EXOC4: variants seen among roughly 807,000 people sequenced by gnomAD.
The protein encoded by EXOC4 is SEC8-like 1.
A neutral mutation model predicts 107.2 loss-of-function variants in EXOC4; 71 were observed. The ratio of observed to expected loss-of-function variants is 0.66; its 90% CI spans 0.55 to 0.81. The LOEUF (loss-of-function observed/expected upper bound fraction) is 0.81, where lower values mean the gene tolerates loss of function less well. Among genes scored for constraint, EXOC4 ranks in the 30% least tolerant of loss-of-function variants. EXOC4 has a pLI of 0.00. For missense variants in EXOC4, 1,108 were observed against 1,189.6 expected (o/e 0.93, Z 1.01); for synonymous variants, 456 against 441.2 (o/e 1.03, Z -0.42).
the EXOC4 span, among the ~76,000 whole-genome samples, chr7:134,090,762 G>A: frequency 1.1e-4 from 17 of 152,012 alleles, no homozygotes; most frequent in East Asian, 1.9e-4. Context: ...CCATGATCCC[G>A]TACATGCCTG....
chr7:133,748,123 G>C (rs1401258155), intron 10 of EXOC4, among the ~76,000 whole-genome samples: 2 of 152,150 alleles, frequency 1.3e-5, no homozygotes, highest in Non-Finnish European at 2.9e-5. Context: ...AGCTGCTGGT[G>C]TATTATGACC....
intron 10 of EXOC4, among the ~76,000 whole-genome samples, chr7:133,632,555 C>G (rs574787071): frequency 6.6e-6 from 1 of 152,142 alleles, no homozygotes. Flanking sequence ...TGAGTTTTCA[C>G]ACTTCAGCAT....
intron 7 of EXOC4, among the ~76,000 whole-genome samples, chr7:133,451,345 A>G (rs1167580172): frequency 6.6e-6 from 1 of 151,588 alleles, no homozygotes; most frequent in East Asian, 1.9e-4. Context: ...CCTCATTTCT[A>G]CTTGTAGGTT....
intron 10 of EXOC4, among the ~76,000 whole-genome samples, chr7:133,698,952 T>C: frequency 3.4e-5 from 1 of 29,672 alleles, no homozygotes; most frequent in African/African-American, 1.1e-4. Flanking sequence ...TAGCATTATA[T>C]TGTATTTCTT....
chr7:133,942,941 T>G (rs546258701), intron 14 of EXOC4, among the ~76,000 whole-genome samples: 4 of 152,338 alleles, frequency 2.6e-5, no homozygotes, highest in African/African-American at 7.2e-5. Flanking sequence ...TTTTCTAAGT[T>G]AGAAACTCCA....
At chr7:134,035,375 T>C (rs1383317965) in intron 17 of EXOC4, among the ~76,000 whole-genome samples, 3 of 152,094 alleles carry the variant, frequency 2.0e-5, no homozygotes, top group Non-Finnish European at 4.4e-5. Flanking sequence ...TCATTAATAG[T>C]GTCATCGTAA....
chr7:134,062,461 G>C (rs2116633753), intron 17 of EXOC4, among the ~76,000 whole-genome samples: 1 of 152,000 alleles, frequency 6.6e-6, no homozygotes, highest in East Asian at 1.9e-4. Flanking sequence ...TTTTCAAAAT[G>C]TTCCTGATGA....
At chr7:133,282,201 G>A (rs1041572386) in intron 2 of EXOC4, among the ~76,000 whole-genome samples, 21 of 152,228 alleles carry the variant, frequency 1.4e-4, no homozygotes, top group African/African-American at 4.8e-4. Flanking sequence ...CTTCTCTGCC[G>A]TCTGTATCAT....
At chr7:133,553,580 A>G (rs1470487538) in intron 9 of EXOC4, among the ~76,000 whole-genome samples, 1 of 152,088 alleles carries the variant, frequency 6.6e-6, no homozygotes, top group African/African-American at 2.4e-5. Context: ...TTCTAACCTC[A>G]TAATGTTTCT....
At chr7:133,256,008 GTC>G (rs1283261162) in intron 1 of EXOC4, among the ~76,000 whole-genome samples, 1 of 150,164 alleles carries the variant, frequency 6.7e-6, no homozygotes, top group Non-Finnish European at 1.5e-5. Context: ...TAGTCCTGGA[GTC>G]TCTCTCTGTC....
chr7:133,785,770 T>A (rs1382537504), intron 10 of EXOC4, among the ~76,000 whole-genome samples: 1 of 152,136 alleles, frequency 6.6e-6, no homozygotes, highest in African/African-American at 2.4e-5. Flanking sequence ...TCTCCCGGGT[T>A]CATGCCATTC....
intron 1 of EXOC4, among the ~76,000 whole-genome samples, chr7:133,267,763 T>C (rs1263990541): frequency 6.6e-6 from 1 of 152,234 alleles, no homozygotes; most frequent in Non-Finnish European, 1.5e-5. Flanking sequence ...TGTTCTTTTC[T>C]ACAGATTTTT....
intron 10 of EXOC4, among the ~76,000 whole-genome samples, chr7:133,653,413 A>G (rs1014099024): frequency 7.9e-5 from 12 of 152,374 alleles, no homozygotes; most frequent in African/African-American, 1.2e-4. Context: ...AAAACTGTGT[A>G]TCAAGAGTAA....
intron 9 of EXOC4, among the ~76,000 whole-genome samples, chr7:133,572,291 C>T (rs1801039836): frequency 6.6e-6 from 1 of 152,146 alleles, no homozygotes; most frequent in African/African-American, 2.4e-5. Flanking sequence ...AGATTCTTGT[C>T]TGAAATGCTT....
chr7:133,800,239 T>C (rs1215951409), intron 10 of EXOC4, among the ~76,000 whole-genome samples: 1 of 152,234 alleles, frequency 6.6e-6, no homozygotes, highest in East Asian at 1.9e-4. Flanking sequence ...GTCATTCCTT[T>C]GGATTCTCTT....
At chr7:133,434,906 T>A (rs1413049722) in intron 7 of EXOC4, among the ~76,000 whole-genome samples, 1 of 152,208 alleles carries the variant, frequency 6.6e-6, no homozygotes, top group African/African-American at 2.4e-5. Context: ...AACTCCTAAC[T>A]ATTGTGTGAT....
intron 13 of EXOC4, among the ~76,000 whole-genome samples, chr7:133,929,477 G>GA (rs10714515): frequency 3.3e-5 from 5 of 150,564 alleles, no homozygotes; most frequent in Non-Finnish European, 7.4e-5. Flanking sequence ...TTCTATCCCA[G>GA]AAAAAAAAAA....
chr7:134,074,987 G>C, the EXOC4 span, among the ~76,000 whole-genome samples: 2 of 152,176 alleles, frequency 1.3e-5, no homozygotes, highest in East Asian at 3.9e-4. Flanking sequence ...TATGCAGTTT[G>C]TCAACCTCCA....
chr7:133,885,528 C>A (rs564817481), intron 11 of EXOC4, among the ~76,000 whole-genome samples: 1 of 152,132 alleles, frequency 6.6e-6, no homozygotes, highest in South Asian at 2.1e-4. Flanking sequence ...AAGGCACAGT[C>A]ACTGATCAAC....
Sources: gnomAD v4.1 joint callset for allele counts (sites outside exome capture counted in the v4.1 genomes callset) on GRCh38, gnomAD v4.1.1 for gene constraint, MANE v1.5 for transcripts, NCBI Gene and HGNC (gene_info 2026-07-23, HGNC 2026-07-21) for gene names.